Variants in ZNF646 observed in about 807,000 individuals in gnomAD.
ZNF646 encodes the protein zinc finger protein 646.
In ZNF646, 49 loss-of-function variants were observed where a neutral mutation model predicts 115.4. That is an observed-to-expected ratio of 0.42 (90% CI 0.34 to 0.54). The LOEUF is 0.54. Among genes scored for constraint, ZNF646 ranks in the 20% least tolerant of loss-of-function variants. The probability of loss-of-function intolerance (pLI) is 0.04; values close to 1 mark genes in which losing one functional copy is unlikely to be tolerated. For missense variants in ZNF646, 2,269 were observed against 2,457.9 expected (o/e 0.92, Z 1.62); for synonymous variants, 933 against 939.0 (o/e 0.99, Z 0.12).
In ZNF646 at chr16:31,083,350, G is replaced by A. The variant is rs1049382773; in HGVS notation, c.*258G>A. 2.0e-6 allele frequency: 2 copies of A among 998,018 alleles called. No homozygotes were observed. The highest frequency in any genetic ancestry group is 4.3e-5 in the South Asian group (2 of 46,282). The allele number at this position is 998,018 out of a possible 1,614,324, so 61.8% of individuals were successfully genotyped here. On this transcript the variant is annotated 3_prime_UTR_variant, in exon 3 of 3. Coordinates refer to ENST00000300850, the MANE Select transcript of ZNF646 (RefSeq NM_014699.4). The stretch of plus-strand genomic sequence containing the variant: ...CCTCAGCAGCCAGATTGCAACACCA[G>A]GGAGAGGCGGATGCAGAGCCCCACC...
rs756922376 is a variant in ZNF646 at position 31,082,992 on chromosome 16, C to A, written c.5399C>A (p.Thr1800Lys). 1 of 1,601,042 alleles carries A rather than the reference C, an allele frequency of 6.2e-7. No individual in the cohort carries two copies. Among genetic ancestry groups the A allele is most frequent in the Admixed American group, 1.7e-5 (1 of 57,796 alleles). ...CCAGGAGCCCCAGTGGCACCAGTGA[C>A]GGGCAGAGGGGACTTGCCATTGCCC... The part of the protein sequence containing the change: ...AGSGAPVAPV[T>K]GRGDLPLPPP... The change falls in exon 3 of 3, where the codon ACG becomes AAG. Residue 1800 changes from threonine to lysine, a missense_variant. Coordinates refer to ENST00000300850, the MANE Select transcript of ZNF646 (RefSeq NM_014699.4).
rs978643265 is a variant in ZNF646, at chr16:31,081,591, C to T, written c.5267C>T (p.Pro1756Leu). 1 of 1,612,280 alleles carries T rather than the reference C, an allele frequency of 6.2e-7. No homozygotes were observed. Among genetic ancestry groups the T allele is most frequent in the East Asian group, 2.2e-5 (1 of 44,854 alleles). The change falls in exon 2 of 3, where the codon CCC becomes CTC. Residue 1756 changes from proline to leucine, a missense_variant. This residue lies in a region of ZNF646 where 1,062 missense variants were observed against 1,172.8 expected (regional missense o/e 0.91). Transcript: ENST00000300850. The part of the protein sequence containing the change: ...RLEGHGRVHA[P>L]REGPFTCPHC... ...GAGGGCCACGGGCGGGTCCATGCAC[C>T]CCGGGAGGGGCCTTTCACCTGCCCC...
chr16:31,076,052 T>A, intron 1 of ZNF646, 194 bp from the exon 2 acceptor site: 2 of 418,394 alleles, frequency 4.8e-6, no homozygotes, highest in Non-Finnish European at 8.5e-6. Flanking sequence ...CTAGGGGAGC[T>A]CCTATATTTG....
In ZNF646 at chr16:31,078,824, A is replaced by G. The variant is rs778251786; in HGVS notation, c.2500A>G (p.Thr834Ala). 3.7e-6 allele frequency: 6 copies of G among 1,613,866 alleles called. No homozygotes were observed. In the East Asian group the frequency reaches 1.3e-4, roughly 36 times the overall value. ...SDCGHSFPHA[T>A]GLLSHRPCHP... ...CTGTGGGCATTCTTTCCCCCATGCCACTGGCCTGCTGAGCCACAGGCCCTG... is the reference window on the plus strand; with the variant it reads ...CTGTGGGCATTCTTTCCCCCATGCCGCTGGCCTGCTGAGCCACAGGCCCTG... Residue 834 changes from threonine to alanine, a missense_variant, in exon 2 of 3, where the codon ACT becomes GCT. This residue lies in a region of ZNF646 where 852 missense variants were observed against 900.2 expected (regional missense o/e 0.95). Coordinates refer to ENST00000300850, the MANE Select transcript of ZNF646 (RefSeq NM_014699.4).
rs370020639 is a variant in ZNF646, at chr16:31,079,590, C to T, written c.3266C>T (p.Pro1089Leu). The change falls in exon 2 of 3, where the codon CCC (proline) becomes CTC (leucine). Residue 1089 changes from proline to leucine, a missense_variant. Pro to Leu is a moderately conservative substitution (Grantham distance 98, BLOSUM62 -3). This residue lies in a region of ZNF646 where 1,062 missense variants were observed against 1,172.8 expected (regional missense o/e 0.91). Coordinates refer to ENST00000300850, the MANE Select transcript of ZNF646 (RefSeq NM_014699.4). This position sits in a 1 kb window ranked among gnomAD's most constrained non-coding sequence, Gnocchi z 5.5. The stretch of plus-strand genomic sequence containing the variant: ...TGCCCTGTCTGCTCCCGCTGCTACC[C>T]CAACCTGGCTGCCTACCGTAATCAT... ...FLCPVCSRCY[P>L]NLAAYRNHLR... is the part of the protein sequence containing the mutation. The T allele has an allele frequency of 2.5e-6, 4 of 1,613,280 alleles. No homozygotes were observed. The African/African-American group carries it at 4.0e-5, about 16-fold the overall frequency.
chr16:31,078,977 C>T lies in ZNF646; in HGVS notation c.2653C>T (p.Leu885Phe), dbSNP rs1359584428. Reference protein sequence around the residue: ...ATSAQPFLCCLCGMIFPGRAG... With the variant: ...ATSAQPFLCCFCGMIFPGRAG... ...CTCAGCACAGCCTTTCCTCTGCTGC[C>T]TCTGTGGCATGATCTTCCCTGGGCG... The change falls in exon 2 of 3, where the codon CTC becomes TTC. Residue 885 changes from leucine (L) to phenylalanine (F), a missense_variant. Transcript: ENST00000300850. 2.5e-6 allele frequency: 4 copies of T among 1,607,162 alleles called. No individual in the cohort carries two copies. Among genetic ancestry groups the T allele is most frequent in the Non-Finnish European group, 3.4e-6 (4 of 1,176,182 alleles).
In ZNF646 at chr16:31,080,183, G is replaced by C. The variant is rs145780885; in HGVS notation, c.3859G>C (p.Gly1287Arg). The C allele has an allele frequency of 6.5e-4, 1,039 of 1,609,950 alleles. 6 individuals are homozygous for C. The African/African-American group carries it at 0.012, about 19-fold the overall frequency. ...GGTCCACATGGAACGGCGTGGGGGT[G>C]GGGGCACCCGAAAGGCGACTCGGGA... ...QRVHMERRGGGGTRKATREDR... is the reference protein window; with the variant it reads ...QRVHMERRGGRGTRKATREDR... The change falls in exon 2 of 3, where the codon GGG (glycine) becomes CGG (arginine). Residue 1287 changes from glycine to arginine, a missense_variant. By Grantham distance (125) the Gly-to-Arg change is moderately radical (BLOSUM62 -2). This residue lies in a region of ZNF646 where 1,062 missense variants were observed against 1,172.8 expected (regional missense o/e 0.91). Coordinates refer to ENST00000300850, the MANE Select transcript of ZNF646 (RefSeq NM_014699.4).
chr16:31,080,471 C>G lies in ZNF646; in HGVS notation c.4147C>G (p.Leu1383Val). Residue 1383 changes from leucine to valine, a missense_variant, in exon 2 of 3, where the codon CTG becomes GTG. Leu to Val is a conservative substitution (Grantham distance 32). Around this residue, in one of 5 missense-constraint regions of ZNF646, gnomAD observed 1,062 missense variants for 1,172.8 expected, o/e 0.91. Transcript: ENST00000300850. ...TGGCCGGGGATCTTTGGAGCGGCACCTGCGGGAGCATGAGGAGACAGAAAG... is the reference window on the plus strand; with the variant it reads ...TGGCCGGGGATCTTTGGAGCGGCACGTGCGGGAGCATGAGGAGACAGAAAG... ...FPGRGSLERH[L>V]REHEETEREP... The G allele has an allele frequency of 1.9e-6, 3 of 1,613,436 alleles. No individual in the cohort carries two copies. The highest frequency in any genetic ancestry group is 1.1e-5 in the South Asian group (1 of 91,086).
At position 31,076,543 on chromosome 16, in the gene ZNF646, C is replaced by A. The variant is rs544717319; in HGVS notation, c.219C>A (p.Gly73=). ...LVNHRRTHET[G]LFPCTTCGKD... Reference sequence around the variant, plus strand: ...ACCATCGTCGGACCCACGAGACTGGCCTTTTCCCCTGTACCACCTGTGGCA... The same window carrying A: ...ACCATCGTCGGACCCACGAGACTGGACTTTTCCCCTGTACCACCTGTGGCA... The change falls in exon 2 of 3, where the codon GGC becomes GGA. Residue 73 remains glycine, a synonymous_variant. Transcript: ENST00000300850. The A allele has an allele frequency of 1.2e-6, 2 of 1,612,778 alleles. No homozygotes were observed. The highest frequency in any genetic ancestry group is 2.2e-5 in the South Asian group (2 of 91,054).
chr16:31,080,066 C>T lies in ZNF646; in HGVS notation c.3742C>T (p.His1248Tyr). Residue 1248 changes from histidine (H) to tyrosine (Y), a missense_variant, in exon 2 of 3, where the codon CAC becomes TAC. Physicochemically the swap from His to Tyr is moderately conservative, Grantham distance 83. This residue lies in a region of ZNF646 where 1,062 missense variants were observed against 1,172.8 expected (regional missense o/e 0.91). Transcript: ENST00000300850. ...GFSNLMSLKN[H>Y]RRIHADPRRF... ...CTCAAACCTCATGTCCCTCAAGAAC[C>T]ACCGGCGCATCCATGCAGATCCCCG... 1.2e-6 allele frequency: 2 copies of T among 1,612,590 alleles called. No individual in the cohort carries two copies. Among genetic ancestry groups the T allele is most frequent in the East Asian group, 2.2e-5 (1 of 44,808 alleles).
chr16:31,080,802 TCCA>T lies in ZNF646; in HGVS notation c.4480_4482del (p.His1494del). 6.2e-7 allele frequency: 1 copy of T among 1,614,004 alleles called. No individual in the cohort carries two copies. On this transcript the variant is annotated inframe_deletion, in exon 2 of 3. Coordinates refer to ENST00000300850, the MANE Select transcript of ZNF646 (RefSeq NM_014699.4). Reference sequence around the variant, plus strand: ...AGGTCAGAGGAGCCAGAGGACAGTGTCCACAGGAGTCCTTGCCACGCTGGTGAC... The same window carrying T: ...AGGTCAGAGGAGCCAGAGGACAGTGTCAGGAGTCCTTGCCACGCTGGTGAC...
chr16:31,081,769 C>T (rs968700676), intron 2 of ZNF646, 68 bp downstream of exon 2: 20 of 1,478,068 alleles, frequency 1.4e-5, no homozygotes, highest in South Asian at 2.8e-5. Context: ...GCCCCAAAGT[C>T]GGTGGGGGAG....
chr16:31,083,738 ATGCCATT>A lies in ZNF646; in HGVS notation c.*651_*657del, dbSNP rs1257344310. The A allele has an allele frequency of 9.3e-6, 15 of 1,613,854 alleles. No individual in the cohort carries two copies. Among genetic ancestry groups the A allele is most frequent in the Non-Finnish European group, 1.3e-5 (15 of 1,179,924 alleles). ...CAGGGTGGGGAGGACAGGGGCAGTA[ATGCCATT>A]TGCCTGCCTGCATTCTCTTGTCCTG... On this transcript the variant is annotated 3_prime_UTR_variant, in exon 3 of 3. Transcript: ENST00000300850.
rs2057144010 is a variant in ZNF646 at position 31,080,623 on chromosome 16, C to A, written c.4299C>A (p.Val1433=). The A allele has an allele frequency of 6.2e-7, 1 of 1,614,002 alleles. No homozygotes were observed. Among genetic ancestry groups the A allele is most frequent in the African/African-American group, 1.3e-5 (1 of 74,932 alleles). Residue 1433 remains valine, a synonymous_variant, in exon 2 of 3, where the codon GTC becomes GTA. Coordinates refer to ENST00000300850, the MANE Select transcript of ZNF646 (RefSeq NM_014699.4). The part of the protein sequence containing the change: ...AEPVPHLEDG[V]PRPGERSQSP... Reference sequence around the variant, plus strand: ...CAGTACCCCACTTGGAGGATGGAGTCCCAAGGCCAGGGGAGCGCAGTCAGA... The same window carrying A: ...CAGTACCCCACTTGGAGGATGGAGTACCAAGGCCAGGGGAGCGCAGTCAGA...
chr16:31,083,258 C>A lies in ZNF646; in HGVS notation c.*166C>A. ...TTTCCCAAGGAGGGGGTGGGGTGTT[C>A]CTCGCGTCCCTGTCCTTGAAGGACC... On this transcript the variant is annotated 3_prime_UTR_variant, in exon 3 of 3. Transcript: ENST00000300850. 9.0e-7 allele frequency: 1 copy of A among 1,115,938 alleles called. No homozygotes were observed. The highest frequency in any genetic ancestry group is 1.8e-5 in the South Asian group (1 of 56,502). The allele number at this position is 1,115,938 out of a possible 1,614,324, so 69.1% of individuals were successfully genotyped here.
In ZNF646 at chr16:31,078,976, C is replaced by T. The variant is rs762805201; in HGVS notation, c.2652C>T (p.Cys884=). 1.9e-6 allele frequency: 3 copies of T among 1,607,166 alleles called. No homozygotes were observed. The South Asian group carries it at 3.3e-5, about 18-fold the overall frequency. The change falls in exon 2 of 3, where the codon TGC becomes TGT. Residue 884 remains cysteine, a synonymous_variant. Coordinates refer to ENST00000300850, the MANE Select transcript of ZNF646 (RefSeq NM_014699.4). The part of the protein sequence containing the change: ...EATSAQPFLC[C]LCGMIFPGRA... Reference sequence around the variant, plus strand: ...CCTCAGCACAGCCTTTCCTCTGCTGCCTCTGTGGCATGATCTTCCCTGGGC... The same window carrying T: ...CCTCAGCACAGCCTTTCCTCTGCTGTCTCTGTGGCATGATCTTCCCTGGGC...
rs1458209561 is a variant in ZNF646, at chr16:31,076,877, G to C, written c.553G>C (p.Asp185His). The C allele has an allele frequency of 6.2e-7, 1 of 1,614,132 alleles. No individual in the cohort carries two copies. The highest frequency in any genetic ancestry group is 2.2e-5 in the East Asian group (1 of 44,876). ...CCACCCAGGTCCTGAGGATGGTGCA[G>C]ACGGCTGGGGACCCTCCACTAACTC... ...ASHPGPEDGADGWGPSTNSAR... is the reference protein window; with the variant it reads ...ASHPGPEDGAHGWGPSTNSAR... Residue 185 changes from aspartate (D) to histidine (H), a missense_variant, in exon 2 of 3, where the codon GAC becomes CAC. Transcript: ENST00000300850.
chr16:31,081,416 G>T lies in ZNF646; in HGVS notation c.5092G>T (p.Ala1698Ser), dbSNP rs1248480716. ...TGGCAGCCTGCTGAACCACCAGAAG[G>T]CCCACACCACAGGGTTGTACCCGTG... ...HAGSLLNHQK[A>S]HTTGLYPCSL... Residue 1698 changes from alanine to serine, a missense_variant, in exon 2 of 3, where the codon GCC (alanine) becomes TCC (serine). Transcript: ENST00000300850. 2 of 1,612,538 alleles carry T rather than the reference G, an allele frequency of 1.2e-6. No individual in the cohort carries two copies. Among genetic ancestry groups the T allele is most frequent in the Non-Finnish European group, 8.5e-7 (1 of 1,178,680 alleles).
rs752141159 is a variant in ZNF646 at position 31,077,937 on chromosome 16, C to G, written c.1613C>G (p.Pro538Arg). ...CCCAGCCACCTCAAGGTAGAACTCC[C>G]GCCTGACCCAGTGGAGGCAGAGGCA... Reference protein sequence around the residue: ...GAPSHLKVELPPDPVEAEAAP... With the variant: ...GAPSHLKVELRPDPVEAEAAP... The change falls in exon 2 of 3, where the codon CCG becomes CGG. Residue 538 changes from proline (P) to arginine (R), a missense_variant. By Grantham distance (103) the Pro-to-Arg change is moderately radical. Transcript: ENST00000300850. The G allele has an allele frequency of 6.2e-7, 1 of 1,613,858 alleles. No individual in the cohort carries two copies. The highest frequency in any genetic ancestry group is 2.2e-5 in the East Asian group (1 of 44,882).
Sources: gnomAD v4.1 joint callset for allele counts on GRCh38, gnomAD v4.1.1 for gene constraint, gnomAD v4.1.1 regional missense constraint, Gnocchi (gnomAD v3.1) non-coding constraint, MANE v1.5 for transcripts, NCBI Gene and HGNC (gene_info 2026-07-23, HGNC 2026-07-21) for gene names.